RORB: variants seen among roughly 807,000 people sequenced by gnomAD.
The protein encoded by RORB is nuclear receptor ROR-beta.
Under a neutral mutation model 59.1 loss-of-function variants are expected in RORB, and 6 were observed. The ratio of observed to expected loss-of-function variants is 0.10; its 90% CI spans 0.06 to 0.20. The LOEUF is 0.20. Among genes scored for constraint, RORB ranks in the 10% least tolerant of loss-of-function variants. The pLI is 1.00. For missense variants in RORB, 320 were observed against 560.5 expected (o/e 0.57, Z 4.33); for synonymous variants, 215 against 204.5 (o/e 1.05, Z -0.44).
intron 1 of RORB, among the ~76,000 whole-genome samples, chr9:74,611,242 G>A (rs1823227177): frequency 6.6e-6 from 1 of 152,090 alleles, no homozygotes; most frequent in Admixed American, 6.5e-5. Flanking sequence ...CAGAGAAAAT[G>A]AAATCTACCA....
chr9:74,567,876 A>G (rs1483699649), intron 1 of RORB, among the ~76,000 whole-genome samples: 5 of 152,312 alleles, frequency 3.3e-5, no homozygotes, highest in Admixed American at 6.5e-5. Flanking sequence ...ACACATTTTG[A>G]CGAATTCCAG....
At position 74,620,379 on chromosome 9, in the gene RORB, G is replaced by A. The variant is rs192313554; in HGVS notation, c.8-9903G>A. Among the ~76,000 whole-genome samples, 34 of 152,184 alleles carry A rather than the reference G, an allele frequency of 2.2e-4. 1 individual carries two copies. In the East Asian group the frequency reaches 6.0e-3, roughly 27 times the overall value. ...TGGTAGTTTGCATTTCTGTGGGATCGGTGGTGATATCCATTTTATCATTTT... is the reference window on the plus strand; with the variant it reads ...TGGTAGTTTGCATTTCTGTGGGATCAGTGGTGATATCCATTTTATCATTTT... On this transcript the variant is annotated intron_variant, in intron 1 of 9. Coordinates refer to ENST00000376896, the MANE Select transcript of RORB (RefSeq NM_006914.4).
chr9:74,626,326 A>G (rs2025882), intron 1 of RORB, among the ~76,000 whole-genome samples: 47,320 of 151,994 alleles, frequency 0.31, 7,533 homozygotes, highest in Non-Finnish European at 0.35. Context: ...CTTTCATGAC[A>G]CTCTTTGACA....
intron 1 of RORB, among the ~76,000 whole-genome samples, chr9:74,547,974 C>T (rs1201349612): frequency 6.6e-6 from 1 of 152,170 alleles, no homozygotes; most frequent in Non-Finnish European, 1.5e-5. Flanking sequence ...ATTAGAGTGA[C>T]TTAGACCAGA....
intron 4 of RORB, among the ~76,000 whole-genome samples, chr9:74,644,278 C>A (rs185024982): frequency 1.2e-4 from 19 of 152,274 alleles, no homozygotes; most frequent in Admixed American, 1.0e-3. Context: ...CCTGTAATGA[C>A]TTTCACAGCT....
intron 6 of RORB, among the ~76,000 whole-genome samples, chr9:74,664,428 T>A (rs1446001459): frequency 3.9e-5 from 6 of 152,014 alleles, no homozygotes; most frequent in African/African-American, 7.3e-5. Flanking sequence ...GGTAGGGTAC[T>A]TAATATTTTC....
intron 9 of RORB, 29 bp from the exon 10 acceptor site, chr9:74,685,434 A>C: frequency 6.4e-7 from 1 of 1,574,098 alleles, no homozygotes; most frequent in Non-Finnish European, 8.7e-7. Context: ...TTCCCTCTCT[A>C]TCTCCCTCTC....
chr9:74,625,142 G>A (rs747597541), intron 1 of RORB, among the ~76,000 whole-genome samples: 1 of 152,186 alleles, frequency 6.6e-6, no homozygotes, highest in African/African-American at 2.4e-5. Context: ...GTTCAGATCT[G>A]GCCTGTCCCT....
intron 1 of RORB, among the ~76,000 whole-genome samples, chr9:74,611,975 T>C (rs1823238066): frequency 6.6e-6 from 1 of 152,108 alleles, no homozygotes; most frequent in African/African-American, 2.4e-5. Flanking sequence ...ACTGAATCCT[T>C]ATGTTAGACA....
chr9:74,510,821 A>C (rs572014774), intron 1 of RORB, among the ~76,000 whole-genome samples: 23 of 152,334 alleles, frequency 1.5e-4, no homozygotes, highest in African/African-American at 5.3e-4. Flanking sequence ...ATTTGAAAAA[A>C]AGAGCTCAAC....
intron 2 of RORB, among the ~76,000 whole-genome samples, chr9:74,630,588 G>T (rs12346190): frequency 0.03 from 4,639 of 152,162 alleles, 238 homozygotes; most frequent in African/African-American, 0.1. Context: ...TTTAAAAATG[G>T]ATGCGTATTT....
intron 1 of RORB, among the ~76,000 whole-genome samples, chr9:74,500,403 TTGAACTTGAGAG>T (rs1015374540): frequency 1.3e-5 from 2 of 151,920 alleles, no homozygotes; most frequent in Admixed American, 6.6e-5. Flanking sequence ...GAGTTGGGAG[TTGAACTTGAGAG>T]TGAACTTGAG....
chr9:74,671,933 C>A lies in RORB; in HGVS notation c.1224+32C>A, dbSNP rs767947588. 1.9e-5 allele frequency: 24 copies of A among 1,236,996 alleles called. No individual in the cohort carries two copies. The African/African-American group carries it at 2.9e-4, about 15-fold the overall frequency. 76.6% of individuals were successfully genotyped at this position (1,236,996 alleles called of 1,614,324 possible). A position where few individuals can be genotyped will look rare whatever the true frequency, so the allele number is the denominator to read the frequency against. ...CCACAGATCACAGAGCCACCACCAC[C>A]AAAAGAGAGCACAGTGAGCAAAAAG... On this transcript the variant is annotated intron_variant, in intron 9 of 9. Transcript: ENST00000376896.
At chr9:74,599,765 C>A (rs895317830) in intron 1 of RORB, among the ~76,000 whole-genome samples, 1 of 152,188 alleles carries the variant, frequency 6.6e-6, no homozygotes, top group East Asian at 1.9e-4. Flanking sequence ...TGACTCCATG[C>A]CCTGGCTGTT....
At chr9:74,616,936 C>T (rs1029535329) in intron 1 of RORB, among the ~76,000 whole-genome samples, 3 of 151,844 alleles carry the variant, frequency 2.0e-5, no homozygotes, top group Non-Finnish European at 4.4e-5. Context: ...TTCTCTTTCT[C>T]CACTTAAATT....
chr9:74,662,017 A>C (rs980846342), intron 5 of RORB, among the ~76,000 whole-genome samples: 1 of 152,150 alleles, frequency 6.6e-6, no homozygotes, highest in Non-Finnish European at 1.5e-5. Flanking sequence ...AATACTACAA[A>C]TTTAGTGCCC....
At position 74,497,625 on chromosome 9, in the gene RORB, G is replaced by A. The variant is rs1252599058; in HGVS notation, c.-352G>A. 5 of 345,194 alleles carry A rather than the reference G, an allele frequency of 1.4e-5. No individual in the cohort carries two copies. Among genetic ancestry groups the A allele is most frequent in the Non-Finnish European group, 2.6e-5 (5 of 188,854 alleles). 21.4% of individuals were successfully genotyped at this position (345,194 alleles called of 1,614,324 possible). A position where few individuals can be genotyped will look rare whatever the true frequency, so the allele number is the denominator to read the frequency against. ...AGAAATCTTCTGAGCCGGAGGCGGT[G>A]GCATTTTTTAAAAAGCAAGCACATT... On this transcript the variant is annotated 5_prime_UTR_variant, in exon 1 of 10. Coordinates refer to ENST00000376896, the MANE Select transcript of RORB (RefSeq NM_006914.4).
At chr9:74,603,032 G>C (rs1035811231) in intron 1 of RORB, among the ~76,000 whole-genome samples, 2 of 152,058 alleles carry the variant, frequency 1.3e-5, no homozygotes, top group African/African-American at 4.8e-5. Flanking sequence ...TTAATCAGTA[G>C]GTGTAATTTT....
intron 8 of RORB, among the ~76,000 whole-genome samples, chr9:74,669,078 A>C (rs1371931213): frequency 6.6e-6 from 1 of 152,204 alleles, no homozygotes; most frequent in Non-Finnish European, 1.5e-5. Context: ...AATAACTAAG[A>C]CCTCTACTAG....
Sources: allele counts gnomAD v4.1 joint callset (sites outside exome capture counted in the v4.1 genomes callset), GRCh38; gene constraint gnomAD v4.1.1; transcripts MANE v1.5; gene names NCBI Gene and HGNC (gene_info 2026-07-23, HGNC 2026-07-21).